CACNB2: variants seen among roughly 807,000 people sequenced by gnomAD.
The protein encoded by CACNB2 is calcium voltage-gated channel auxiliary subunit beta 2, also known as voltage-dependent L-type calcium channel subunit beta-2.
A neutral mutation model predicts 73.3 loss-of-function variants in CACNB2; 42 were observed. The ratio of observed to expected loss-of-function variants is 0.57; its 90% confidence interval spans 0.45 to 0.74. CACNB2 has a LOEUF of 0.74. Among genes scored for constraint, CACNB2 ranks in the 30% least tolerant of loss-of-function variants. The probability of loss-of-function intolerance (pLI) is 0.00; values close to 1 mark genes in which losing one functional copy is unlikely to be tolerated. For missense variants in CACNB2, 940 were observed against 853.0 expected (o/e 1.10, Z -1.27); for synonymous variants, 348 against 310.3 (o/e 1.12, Z -1.28).
At chr10:18,225,791 C>G (rs1423552239) in intron 2 of CACNB2, among the ~76,000 whole-genome samples, 1 of 151,948 alleles carries the variant, frequency 6.6e-6, no homozygotes, top group Non-Finnish European at 1.5e-5. Flanking sequence ...AGATGTGCAC[C>G]ATCACACCTG....
intron 2 of CACNB2, among the ~76,000 whole-genome samples, chr10:18,292,907 C>G (rs11013375): frequency 0.032 from 4,812 of 152,226 alleles, 251 homozygotes; most frequent in African/African-American, 0.11. Context: ...CAACCTCGAC[C>G]ATACTCATCA....
intron 2 of CACNB2, among the ~76,000 whole-genome samples, chr10:18,316,857 T>G (rs991344442): frequency 6.6e-6 from 1 of 152,194 alleles, no homozygotes; most frequent in Non-Finnish European, 1.5e-5. Context: ...ATCCTGCAAA[T>G]CTTAGCACTG....
chr10:18,349,409 C>T (rs1011508801), intron 2 of CACNB2, among the ~76,000 whole-genome samples: 4 of 152,136 alleles, frequency 2.6e-5, no homozygotes, highest in Non-Finnish European at 5.9e-5. Context: ...ATAATGGGTC[C>T]AATTGTTGAT....
At chr10:18,313,577 G>A (rs1057170344) in intron 2 of CACNB2, among the ~76,000 whole-genome samples, 6 of 151,946 alleles carry the variant, frequency 3.9e-5, no homozygotes, top group African/African-American at 1.2e-4. Flanking sequence ...AAGTGGCATG[G>A]AATATCTCAA....
At chr10:18,289,217 T>A (rs1458849318) in intron 2 of CACNB2, among the ~76,000 whole-genome samples, 1 of 149,416 alleles carries the variant, frequency 6.7e-6, no homozygotes, top group Non-Finnish European at 1.5e-5. Flanking sequence ...CCCGACCCCC[T>A]CCCCAGCAAA....
intron 3 of CACNB2, among the ~76,000 whole-genome samples, chr10:18,475,366 C>A (rs1432194088): frequency 6.6e-6 from 1 of 152,068 alleles, no homozygotes; most frequent in Non-Finnish European, 1.5e-5. Context: ...ACGGTTGGTT[C>A]CTCTGGCACC....
intron 2 of CACNB2, among the ~76,000 whole-genome samples, chr10:18,394,673 A>T (rs749156698): frequency 3.3e-5 from 5 of 152,218 alleles, no homozygotes; most frequent in Non-Finnish European, 5.9e-5. Context: ...TCTCATCAGT[A>T]AAAATGAAGA....
chr10:18,242,766 C>A (rs566651429), intron 2 of CACNB2, among the ~76,000 whole-genome samples: 1 of 151,098 alleles, frequency 6.6e-6, no homozygotes, highest in Non-Finnish European at 1.5e-5. Flanking sequence ...AGGTGGATCA[C>A]GAGGTCAGGA....
chr10:18,209,643 T>C (rs750227028), intron 2 of CACNB2, among the ~76,000 whole-genome samples: 1 of 152,168 alleles, frequency 6.6e-6, no homozygotes, highest in African/African-American at 2.4e-5. Flanking sequence ...TGATTTTTTT[T>C]TATATGTAGC....
chr10:18,372,597 G>A (rs2042634135), intron 2 of CACNB2, among the ~76,000 whole-genome samples: 1 of 152,080 alleles, frequency 6.6e-6, no homozygotes, highest in Admixed American at 6.6e-5. Context: ...AGTAGAGACA[G>A]GGTTTCACCA....
intron 5 of CACNB2, among the ~76,000 whole-genome samples, chr10:18,502,362 C>G (rs1237423917): frequency 1.3e-5 from 2 of 150,734 alleles, no homozygotes; most frequent in African/African-American, 4.9e-5. Context: ...GAGCCGGAGG[C>G]CATTATCCCA....
At chr10:18,426,944 C>A (rs1195781442) in intron 3 of CACNB2, among the ~76,000 whole-genome samples, 2 of 125,102 alleles carry the variant, frequency 1.6e-5, no homozygotes, top group Non-Finnish European at 3.2e-5. Context: ...TATCAAATGT[C>A]CCTTTTCTAC....
intron 2 of CACNB2, among the ~76,000 whole-genome samples, chr10:18,275,803 A>C (rs771972919): frequency 8.5e-5 from 13 of 152,176 alleles, no homozygotes; most frequent in Non-Finnish European, 1.8e-4. Context: ...TAACACAATC[A>C]ATGTTTTATT....
rs763050971 is a variant in CACNB2, at chr10:18,530,110, A to G, written c.1054+2413A>G. ...GGGAAAGACCAAGTCCCATGATTCA[A>G]TTACCCCCCACCAGGTCCCTCCTGT... On this transcript the variant is annotated intron_variant, in intron 10 of 13. Transcript: ENST00000324631. Among the ~76,000 whole-genome samples the G allele has an allele frequency of 5.1e-4, 77 of 152,286 alleles. 1 individual carries two copies. The highest frequency in any genetic ancestry group is 9.7e-4 in the Non-Finnish European group (66 of 68,024).
At chr10:18,189,166 A>G (rs1245589171) in intron 2 of CACNB2, among the ~76,000 whole-genome samples, 1 of 152,118 alleles carries the variant, frequency 6.6e-6, no homozygotes, top group Non-Finnish European at 1.5e-5. Flanking sequence ...TCCTCAAAGT[A>G]GTTTCTTCTT....
At chr10:18,251,499 C>T (rs368618525) in intron 2 of CACNB2, among the ~76,000 whole-genome samples, 6 of 152,172 alleles carry the variant, frequency 3.9e-5, no homozygotes, top group East Asian at 1.9e-4. Context: ...CCACCCACCT[C>T]GGCCTCCCAA....
chr10:18,439,015 C>T (rs963663875), intron 3 of CACNB2, among the ~76,000 whole-genome samples: 1 of 152,232 alleles, frequency 6.6e-6, no homozygotes, highest in Non-Finnish European at 1.5e-5. Context: ...GAGAAAATAA[C>T]TTCTCTACCC....
At chr10:18,373,389 AC>A (rs1407511310) in intron 2 of CACNB2, among the ~76,000 whole-genome samples, 3 of 152,196 alleles carry the variant, frequency 2.0e-5, no homozygotes, top group Non-Finnish European at 4.4e-5. Context: ...AGGGCCTTCA[AC>A]CCACCATGAT....
At chr10:18,357,982 T>C (rs1373085930) in intron 2 of CACNB2, among the ~76,000 whole-genome samples, 2 of 152,100 alleles carry the variant, frequency 1.3e-5, no homozygotes, top group African/African-American at 4.8e-5. Flanking sequence ...AGCCTCAACA[T>C]CCAGCACATC....
Sources: allele counts gnomAD v4.1 joint callset (sites outside exome capture counted in the v4.1 genomes callset), GRCh38; gene constraint gnomAD v4.1.1; transcripts MANE v1.5; gene names NCBI Gene and HGNC (gene_info 2026-07-23, HGNC 2026-07-21).